The following NPTN variants were observed in gnomAD, a reference collection of about 807,000 sequenced individuals.
NPTN encodes the protein neuroplastin, also known as SDR-1.
A neutral mutation model predicts 42.7 loss-of-function variants in NPTN; 5 were observed. That is an observed-to-expected ratio of 0.12 (90% confidence interval 0.06 to 0.25). The LOEUF (loss-of-function observed/expected upper bound fraction) is 0.25. Ranked by LOEUF, NPTN falls within the 10% of genes least tolerant of loss-of-function variation. NPTN has a pLI of 1.00. For missense variants in NPTN, 307 were observed against 525.4 expected (o/e 0.58, Z 4.06); for synonymous variants, 180 against 201.9 (o/e 0.89, Z 0.92).
intron 4 of NPTN, among the ~76,000 whole-genome samples, chr15:73,579,349 A>ATG (rs898648271): frequency 6.6e-6 from 1 of 152,188 alleles, no homozygotes; most frequent in Non-Finnish European, 1.5e-5. Context: ...GTTCAGGGAA[A>ATG]TGTTCTATGT....
rs544308450 is a variant in NPTN, at chr15:73,581,756, AT to A, written c.706+5767del. On this transcript the variant is annotated intron_variant, in intron 4 of 8. Coordinates refer to ENST00000345330, the MANE Select transcript of NPTN (RefSeq NM_012428.4). ...GCCATGGAGGCACGTTTCAGATGAT[AT>A]TAAATAAAGTTAACAGAACAGACTT... Among the ~76,000 whole-genome samples, 288 of 152,342 alleles carry A rather than the reference AT, an allele frequency of 1.9e-3. 1 individual carries two copies. The highest frequency in any genetic ancestry group is 6.6e-3 in the African/African-American group (276 of 41,584).
chr15:73,600,894 T>G (rs1284876430), intron 1 of NPTN, among the ~76,000 whole-genome samples: 1 of 152,206 alleles, frequency 6.6e-6, no homozygotes, highest in East Asian at 1.9e-4. Context: ...GAGGCAAGAC[T>G]GCCTCTAGTT....
chr15:73,620,211 G>C (rs1239850901), intron 1 of NPTN, among the ~76,000 whole-genome samples: 2 of 152,164 alleles, frequency 1.3e-5, no homozygotes, highest in African/African-American at 4.8e-5. Context: ...AGCTCTTGTG[G>C]TAAATGAGTT....
At chr15:73,561,792 A>G in intron 8 of NPTN, 104 bp downstream of exon 8, 1 of 890,082 alleles carries the variant, frequency 1.1e-6, no homozygotes, top group Non-Finnish European at 1.8e-6. Context: ...GAAATGAACT[A>G]AAATATCTTA....
chr15:73,568,004 A>G, intron 6 of NPTN: 13 of 985,422 alleles, frequency 1.3e-5, no homozygotes, highest in Non-Finnish European at 1.6e-5. Flanking sequence ...ACTTAGTTTA[A>G]AAGAGGTACT....
chr15:73,569,273 G>A lies in NPTN; in HGVS notation c.1114+877C>T. 1 of 985,546 alleles carries A rather than the reference G, an allele frequency of 1.0e-6. No individual in the cohort carries two copies. The highest frequency in any genetic ancestry group is 1.2e-6 in the Non-Finnish European group (1 of 830,020). 61.1% of individuals were successfully genotyped at this position (985,546 alleles called of 1,614,324 possible). Reference sequence around the variant, plus strand: ...GTACTGCAGATACAAGTCTCCATCAGCAGCTTCCCCCTTCACAGGAAAAAT... The same window carrying A: ...GTACTGCAGATACAAGTCTCCATCAACAGCTTCCCCCTTCACAGGAAAAAT... On this transcript the variant is annotated intron_variant, in intron 6 of 8. Transcript: ENST00000345330. The surrounding 1 kb of genome is among the most constrained non-coding windows in gnomAD (Gnocchi z 4.1).
chr15:73,592,204 T>C lies in NPTN; in HGVS notation c.440-67A>G, dbSNP rs1896625153. Reference sequence around the variant, plus strand: ...ATCCTCTGTAGCCCTGGCCTGAGAGTTGGACGGGGTAGGAGGGGGAAACTA... The same window carrying C: ...ATCCTCTGTAGCCCTGGCCTGAGAGCTGGACGGGGTAGGAGGGGGAAACTA... On this transcript the variant is annotated intron_variant, in intron 2 of 8. Coordinates refer to ENST00000345330, the MANE Select transcript of NPTN (RefSeq NM_012428.4). 8.5e-6 allele frequency: 12 copies of C among 1,409,642 alleles called. No homozygotes were observed. In the Admixed American group the frequency reaches 1.1e-4, roughly 13 times the overall value. 87.3% of individuals were successfully genotyped at this position (1,409,642 alleles called of 1,614,324 possible). A position where few individuals can be genotyped will look rare whatever the true frequency, so the allele number is the denominator to read the frequency against.
intron 1 of NPTN, among the ~76,000 whole-genome samples, chr15:73,611,414 A>C (rs1004747118): frequency 3.9e-5 from 6 of 152,138 alleles, no homozygotes; most frequent in Admixed American, 3.3e-4. Flanking sequence ...AAAACAAAAC[A>C]AAAACAAAAC....
chr15:73,569,511 G>T lies in NPTN; in HGVS notation c.1114+639C>A. ...TGCTATCTCTGTCTTACACTAGATG[G>T]GTGGATACATCAGACTCTCCTTTGT... is the stretch of plus-strand genomic sequence containing the variant. On this transcript the variant is annotated intron_variant, in intron 6 of 8. Transcript: ENST00000345330. This position sits in a 1 kb window ranked among gnomAD's most constrained non-coding sequence, Gnocchi z 4.1. 2.0e-6 allele frequency: 2 copies of T among 985,406 alleles called. No individual in the cohort carries two copies. Among genetic ancestry groups the T allele is most frequent in the Middle Eastern group, 5.2e-4 (1 of 1,914 alleles). The allele number at this position is 985,406 out of a possible 1,614,324, so 61.0% of individuals were successfully genotyped here. A position where few individuals can be genotyped will look rare whatever the true frequency, so the allele number is the denominator to read the frequency against.
intron 1 of NPTN, among the ~76,000 whole-genome samples, chr15:73,603,004 T>C (rs955615064): frequency 1.3e-5 from 2 of 152,226 alleles, no homozygotes; most frequent in African/African-American, 4.8e-5. Flanking sequence ...ATCTAGTTCA[T>C]GCCAAGAGAA....
chr15:73,624,498 A>C, intron 1 of NPTN, among the ~76,000 whole-genome samples: 1 of 152,216 alleles, frequency 6.6e-6, no homozygotes, highest in East Asian at 1.9e-4. Context: ...TCCCAAGTTA[A>C]ATTTAACACA....
chr15:73,570,185 T>C lies in NPTN; in HGVS notation c.1079A>G (p.Tyr360Cys), dbSNP rs778445560. ...CTCATCTGGCCTCTTCCTCTTCTCA[T>C]ACACAACAATGATCACCACAAGGAT... ...IIILVVIIVV[Y>C]EKRKRPDEVP... is the part of the protein sequence containing the mutation. The change falls in exon 6 of 9, where the codon TAT becomes TGT. Residue 360 changes from tyrosine to cysteine, a missense_variant. Physicochemically the swap from Tyr to Cys is radical, Grantham distance 194. Transcript: ENST00000345330. The surrounding 1 kb of genome is among the most constrained non-coding windows in gnomAD (Gnocchi z 4.0). The C allele has an allele frequency of 6.8e-6, 11 of 1,613,542 alleles. No individual in the cohort carries two copies. In the East Asian group the frequency reaches 1.3e-4, roughly 20 times the overall value.
chr15:73,573,860 C>T, intron 4 of NPTN, 65 bp from the exon 5 acceptor site: 1 of 1,576,956 alleles, frequency 6.3e-7, no homozygotes, highest in East Asian at 2.3e-5. Flanking sequence ...AAAGGCCCCA[C>T]CTTCTGGCTC....
At chr15:73,593,247 T>G (rs1373610700) in intron 2 of NPTN, among the ~76,000 whole-genome samples, 2 of 152,334 alleles carry the variant, frequency 1.3e-5, no homozygotes, top group East Asian at 3.9e-4. Context: ...TCTATCACTG[T>G]ATTAAAGTCA....
Position 73,592,020 on chromosome 15 carries a change from T to C in NPTN, c.557A>G (p.Lys186Arg), listed in dbSNP as rs773475085. The C allele has an allele frequency of 3.1e-6, 5 of 1,613,952 alleles. No individual in the cohort carries two copies. The South Asian group carries it at 5.5e-5, about 18-fold the overall frequency. Residue 186 changes from lysine to arginine, a missense_variant, in exon 3 of 9, where the codon AAG becomes AGG. Coordinates refer to ENST00000345330, the MANE Select transcript of NPTN (RefSeq NM_012428.4). ...AGTGGCACTCAGTTCCACCCCATTC[T>C]TTGTCCAGTAGCTGTATGTAAGGGT... ...SHTLTYSYWT[K>R]NGVELSATRK...
intron 1 of NPTN, 179 bp downstream of exon 1, chr15:73,632,946 T>C: frequency 2.2e-6 from 1 of 447,866 alleles, no homozygotes; most frequent in Non-Finnish European, 3.9e-6. Context: ...GAGCCTCCGG[T>C]CCTCACACCC....
chr15:73,581,675 A>G (rs1297722059), intron 4 of NPTN, among the ~76,000 whole-genome samples: 1 of 152,160 alleles, frequency 6.6e-6, no homozygotes, highest in African/African-American at 2.4e-5. Flanking sequence ...TGATGCACTT[A>G]GAGCAAAGGG....
At chr15:73,574,434 T>A (rs1221564092) in intron 4 of NPTN, among the ~76,000 whole-genome samples, 1 of 152,126 alleles carries the variant, frequency 6.6e-6, no homozygotes, top group Non-Finnish European at 1.5e-5. Context: ...ATTGAATGAC[T>A]GATTGAGATG....
At chr15:73,624,012 C>T (rs1304004823) in intron 1 of NPTN, among the ~76,000 whole-genome samples, 1 of 152,224 alleles carries the variant, frequency 6.6e-6, no homozygotes, top group Non-Finnish European at 1.5e-5. Flanking sequence ...TCCCTTACTT[C>T]ATTTACACTG....
Sources: gnomAD v4.1 joint callset for allele counts (sites outside exome capture counted in the v4.1 genomes callset) on GRCh38, gnomAD v4.1.1 for gene constraint, Gnocchi (gnomAD v3.1) non-coding constraint, MANE v1.5 for transcripts, NCBI Gene and HGNC (gene_info 2026-07-23, HGNC 2026-07-21) for gene names.